SPIRE1: variants seen among roughly 807,000 people sequenced by gnomAD.
The protein encoded by SPIRE1 is spire type actin nucleation factor 1, also known as protein spire homolog 1.
In SPIRE1, 40 loss-of-function variants were observed where a neutral mutation model predicts 94.1. That is an observed-to-expected ratio of 0.43 (90% CI 0.33 to 0.55). The LOEUF is 0.55. SPIRE1 is among the 20% of genes least tolerant of loss of function. The probability of loss-of-function intolerance (pLI) is 0.06; values close to 1 mark genes in which losing one functional copy is unlikely to be tolerated. For synonymous variants in SPIRE1, 376 were observed against 371.7 expected (o/e 1.01, Z -0.13); for missense variants, 838 against 975.2 (o/e 0.86, Z 1.87).
chr18:12,564,540 G>A (rs2035768209), intron 2 of SPIRE1, among the ~76,000 whole-genome samples: 1 of 152,156 alleles, frequency 6.6e-6, no homozygotes, highest in African/African-American at 2.4e-5. Context: ...CAAGTAAAAA[G>A]CTGAACAAAT....
intron 4 of SPIRE1, among the ~76,000 whole-genome samples, chr18:12,527,310 T>C (rs567151357): frequency 9.8e-5 from 15 of 152,314 alleles, no homozygotes; most frequent in Non-Finnish European, 2.1e-4. Context: ...GCTACTTTAT[T>C]AAGGTTTGTT....
intron 12 of SPIRE1, among the ~76,000 whole-genome samples, chr18:12,454,960 G>A (rs1483220542): frequency 6.7e-6 from 1 of 150,246 alleles, no homozygotes; most frequent in African/African-American, 2.5e-5. Context: ...TTCCACAACA[G>A]GGTCTCATTC....
chr18:12,546,916 T>A lies in SPIRE1; in HGVS notation c.373-12A>T, dbSNP rs1488312107. ...AAAGATTCAATGACCTAGGAACATTTAAAAAAGTGGTTAATGGAGATGAAT... is the reference window on the plus strand; with the variant it reads ...AAAGATTCAATGACCTAGGAACATTAAAAAAAGTGGTTAATGGAGATGAAT... On this transcript the variant is annotated splice_polypyrimidine_tract_variant and intron_variant, in intron 2 of 16. Coordinates refer to ENST00000409402, the MANE Select transcript of SPIRE1 (RefSeq NM_001128626.2). 1.9e-6 allele frequency: 3 copies of A among 1,584,676 alleles called. No individual in the cohort carries two copies. In the South Asian group the frequency reaches 3.4e-5, roughly 18 times the overall value.
chr18:12,600,555 A>G (rs2144635460), intron 2 of SPIRE1, among the ~76,000 whole-genome samples: 1 of 151,992 alleles, frequency 6.6e-6, no homozygotes, highest in East Asian at 1.9e-4. Flanking sequence ...AGCTAATACT[A>G]TGATGGTTGA....
chr18:12,611,089 G>C (rs539516544), intron 2 of SPIRE1, among the ~76,000 whole-genome samples: 1 of 152,028 alleles, frequency 6.6e-6, no homozygotes, highest in African/African-American at 2.4e-5. Context: ...ATACTGGATC[G>C]TTACTGGTGC....
At chr18:12,612,952 T>C (rs12956133) in intron 2 of SPIRE1, among the ~76,000 whole-genome samples, 85,036 of 152,006 alleles carry the variant, frequency 0.56, 24,974 homozygotes, top group Middle Eastern at 0.76. Context: ...ACCACCATTA[T>C]GCTCCCCATC....
chr18:12,480,015 G>T, intron 9 of SPIRE1, 144 bp from the exon 10 acceptor site: 1 of 588,708 alleles, frequency 1.7e-6, no homozygotes, highest in South Asian at 3.4e-5. Flanking sequence ...AACTTCTTCT[G>T]GTTGGATATT....
chr18:12,594,432 A>G (rs1300250668), intron 2 of SPIRE1, among the ~76,000 whole-genome samples: 5 of 152,206 alleles, frequency 3.3e-5, no homozygotes, highest in South Asian at 4.1e-4. Context: ...ATAACAGAAA[A>G]TGTTCATTAA....
chr18:12,517,000 C>T (rs558290416), intron 4 of SPIRE1, among the ~76,000 whole-genome samples: 38 of 152,294 alleles, frequency 2.5e-4, no homozygotes, highest in African/African-American at 9.1e-4. Context: ...TTTTTCTGAA[C>T]AATAGCACAA....
chr18:12,493,608 A>T (rs894412242), intron 7 of SPIRE1, among the ~76,000 whole-genome samples: 1 of 151,922 alleles, frequency 6.6e-6, no homozygotes, highest in African/African-American at 2.4e-5. Flanking sequence ...GGTTTCACCA[A>T]GTTGGTCAGG....
intron 9 of SPIRE1, among the ~76,000 whole-genome samples, chr18:12,480,965 A>T (rs1244532382): frequency 1.3e-5 from 2 of 152,200 alleles, no homozygotes; most frequent in Non-Finnish European, 2.9e-5. Flanking sequence ...GGGCATGCTA[A>T]GTACTAAAGT....
intron 2 of SPIRE1, among the ~76,000 whole-genome samples, chr18:12,629,145 G>T (rs189155742): frequency 7.2e-5 from 11 of 152,242 alleles, no homozygotes; most frequent in Non-Finnish European, 1.5e-5. Flanking sequence ...GATTGTTCTA[G>T]TTATTCATTT....
At chr18:12,656,043 G>A (rs1259953859) in intron 1 of SPIRE1, among the ~76,000 whole-genome samples, 1 of 151,932 alleles carries the variant, frequency 6.6e-6, no homozygotes, top group East Asian at 1.9e-4. Context: ...GTATTCCAGC[G>A]GCACAACACC....
chr18:12,551,614 A>T (rs1005645915), intron 2 of SPIRE1, among the ~76,000 whole-genome samples: 1 of 151,862 alleles, frequency 6.6e-6, no homozygotes, highest in African/African-American at 2.4e-5. Context: ...CTGAGGCGGG[A>T]GAATGGCATG....
chr18:12,615,345 A>ATAAAAAATAAAAAAAAAT (rs1555632289), intron 2 of SPIRE1, among the ~76,000 whole-genome samples: 22 of 17,242 alleles, frequency 1.3e-3, no homozygotes, highest in South Asian at 0.011. Context: ...AAAAAAAAAA[A>ATAAAAAATAAAAAAAAAT]ATATATATAT....
At chr18:12,548,135 A>G (rs1450819170) in intron 2 of SPIRE1, among the ~76,000 whole-genome samples, 12 of 152,222 alleles carry the variant, frequency 7.9e-5, no homozygotes, top group Non-Finnish European at 1.5e-5. Context: ...TACCTGGTAC[A>G]ATATCTGACT....
At chr18:12,529,781 C>A (rs2034632412) in intron 4 of SPIRE1, among the ~76,000 whole-genome samples, 1 of 152,176 alleles carries the variant, frequency 6.6e-6, no homozygotes, top group African/African-American at 2.4e-5. Context: ...ACTTTGAGTA[C>A]ATAATCTAGA....
chr18:12,598,135 C>T (rs892483257), intron 2 of SPIRE1, among the ~76,000 whole-genome samples: 3 of 152,134 alleles, frequency 2.0e-5, no homozygotes, highest in Non-Finnish European at 4.4e-5. Flanking sequence ...TTTCTTATGT[C>T]TAATATTTGA....
chr18:12,467,075 C>T (rs1298404699), intron 10 of SPIRE1, among the ~76,000 whole-genome samples: 1 of 152,056 alleles, frequency 6.6e-6, no homozygotes, highest in East Asian at 1.9e-4. Context: ...AGGTCAGGAG[C>T]TCAAGACCAG....
Sources: allele counts gnomAD v4.1 joint callset (sites outside exome capture counted in the v4.1 genomes callset), GRCh38; gene constraint gnomAD v4.1.1; transcripts MANE v1.5; gene names NCBI Gene and HGNC (gene_info 2026-07-23, HGNC 2026-07-21).